Variants in DGKI observed in about 807,000 individuals in gnomAD.
DGKI encodes diacylglycerol kinase iota, also known as DAG kinase iota.
Under a neutral mutation model 147.5 loss-of-function variants are expected in DGKI, and 55 were observed. That is an observed-to-expected ratio of 0.37 (90% CI 0.30 to 0.47). The LOEUF is 0.47. DGKI is among the 20% of genes least tolerant of loss of function. The probability of loss-of-function intolerance (pLI) is 1.00; values close to 1 mark genes in which losing one functional copy is unlikely to be tolerated. For missense variants in DGKI, 1,007 were observed against 1,323.8 expected (o/e 0.76, Z 3.71); for synonymous variants, 469 against 477.1 (o/e 0.98, Z 0.22).
chr7:137,391,877 CT>C (rs1185296924), intron 32 of DGKI, among the ~76,000 whole-genome samples: 1 of 152,126 alleles, frequency 6.6e-6, no homozygotes, highest in Non-Finnish European at 1.5e-5. Context: ...GCTATTTCAT[CT>C]CTCTAAAAAC....
chr7:137,469,125 G>T (rs572701724), intron 24 of DGKI, among the ~76,000 whole-genome samples: 1 of 152,242 alleles, frequency 6.6e-6, no homozygotes, highest in East Asian at 1.9e-4. Flanking sequence ...CCTTTTTCCA[G>T]AAATGTATAC....
At chr7:137,439,828 C>T (rs1813425416) in intron 28 of DGKI, among the ~76,000 whole-genome samples, 1 of 152,208 alleles carries the variant, frequency 6.6e-6, no homozygotes, top group Admixed American at 6.5e-5. Flanking sequence ...TAGTTGACAA[C>T]AGGTCTAAGA....
At chr7:137,772,264 A>G (rs1796225256) in intron 1 of DGKI, 2 of 152,110 alleles carry the variant, frequency 1.3e-5, no homozygotes, top group African/African-American at 4.8e-5. Flanking sequence ...AAGATACTTA[A>G]CTCCATGGCT....
At chr7:137,833,212 C>T (rs1203616007) in intron 1 of DGKI, among the ~76,000 whole-genome samples, 1 of 152,178 alleles carries the variant, frequency 6.6e-6, no homozygotes, top group African/African-American at 2.4e-5. Flanking sequence ...ACTCCTGGTA[C>T]CAATTTACTG....
intron 1 of DGKI, among the ~76,000 whole-genome samples, chr7:137,830,553 C>T (rs1400870082): frequency 6.6e-6 from 1 of 152,140 alleles, no homozygotes; most frequent in Non-Finnish European, 1.5e-5. Context: ...ATGAAGAAAG[C>T]CATGGATAAC....
At chr7:137,560,081 G>A (rs865789008) in intron 19 of DGKI, among the ~76,000 whole-genome samples, 11 of 152,016 alleles carry the variant, frequency 7.2e-5, no homozygotes, top group African/African-American at 2.4e-4. Flanking sequence ...AAGTCACAAC[G>A]AAACACAATC....
At chr7:137,611,960 T>G (rs1820377913) in intron 8 of DGKI, among the ~76,000 whole-genome samples, 1 of 152,186 alleles carries the variant, frequency 6.6e-6, no homozygotes, top group Non-Finnish European at 1.5e-5. Context: ...AGACACCAAG[T>G]GCTTGCAGGA....
intron 2 of DGKI, among the ~76,000 whole-genome samples, chr7:137,682,143 G>A (rs1156311672): frequency 6.6e-6 from 1 of 152,190 alleles, no homozygotes; most frequent in African/African-American, 2.4e-5. Context: ...GAAGCTGAGT[G>A]TGGTCTTGGG....
chr7:137,605,721 T>C (rs974911348), intron 10 of DGKI, among the ~76,000 whole-genome samples: 2 of 152,102 alleles, frequency 1.3e-5, no homozygotes, highest in African/African-American at 4.8e-5. Flanking sequence ...AAGACAAAAA[T>C]TGACATGTTC....
At chr7:137,784,663 A>G (rs957579992) in intron 1 of DGKI, among the ~76,000 whole-genome samples, 1 of 152,176 alleles carries the variant, frequency 6.6e-6, no homozygotes, top group Admixed American at 6.5e-5. Context: ...CAACAACTAT[A>G]GACTTTACAT....
chr7:137,537,198 A>G (rs557919183), intron 20 of DGKI, among the ~76,000 whole-genome samples: 1 of 152,276 alleles, frequency 6.6e-6, no homozygotes, highest in East Asian at 1.9e-4. Context: ...AGGGAGAGAG[A>G]GGAAGGAAGA....
chr7:137,624,894 T>A (rs1421198062), intron 6 of DGKI, among the ~76,000 whole-genome samples: 1 of 151,594 alleles, frequency 6.6e-6, no homozygotes, highest in Non-Finnish European at 1.5e-5. Flanking sequence ...GCGTGAGCCA[T>A]CTCGCCCGGC....
intron 1 of DGKI, among the ~76,000 whole-genome samples, chr7:137,704,152 A>G (rs1793931482): frequency 6.6e-6 from 1 of 152,230 alleles, no homozygotes; most frequent in Admixed American, 6.5e-5. Context: ...CGGAGGTTGC[A>G]GTGAGCCAAG....
chr7:137,565,555 T>G (rs1034912268), intron 19 of DGKI, among the ~76,000 whole-genome samples: 2 of 152,170 alleles, frequency 1.3e-5, no homozygotes, highest in Non-Finnish European at 2.9e-5. Context: ...ACTTACACAG[T>G]TTTATTTCAA....
At chr7:137,736,709 GGTTACAAAAATA>G (rs1795034120) in intron 1 of DGKI, among the ~76,000 whole-genome samples, 3 of 152,010 alleles carry the variant, frequency 2.0e-5, no homozygotes, top group Non-Finnish European at 4.4e-5. Flanking sequence ...ATCTTCTGTG[GGTTACAAAAATA>G]GCATAATTTA....
At chr7:137,466,060 G>A (rs762733340) in intron 25 of DGKI, 25 bp from the exon 26 acceptor site, 1 of 1,611,270 alleles carries the variant, frequency 6.2e-7, no homozygotes, top group Non-Finnish European at 8.5e-7. Flanking sequence ...GAAGTCTGTT[G>A]CATGAAGAAT....
At chr7:137,647,643 C>T (rs1053341248) in intron 5 of DGKI, among the ~76,000 whole-genome samples, 1 of 152,154 alleles carries the variant, frequency 6.6e-6, no homozygotes, top group Non-Finnish European at 1.5e-5. Flanking sequence ...AGTATCTATC[C>T]CATCAGTTCA....
intron 6 of DGKI, among the ~76,000 whole-genome samples, chr7:137,632,683 C>G (rs1821170351): frequency 6.6e-6 from 1 of 151,664 alleles, no homozygotes; most frequent in African/African-American, 2.4e-5. Flanking sequence ...ATGGTGAAAC[C>G]CCGTCTCCAC....
intron 27 of DGKI, among the ~76,000 whole-genome samples, chr7:137,459,233 G>A (rs1459162248): frequency 6.6e-6 from 1 of 152,040 alleles, no homozygotes. Flanking sequence ...ATGGATCTAA[G>A]GGACTATTTT....
Sources: gnomAD v4.1 joint callset for allele counts (sites outside exome capture counted in the v4.1 genomes callset) on GRCh38, gnomAD v4.1.1 for gene constraint, MANE v1.5 for transcripts, NCBI Gene and HGNC (gene_info 2026-07-23, HGNC 2026-07-21) for gene names.